PTCHD4: variants seen among roughly 807,000 people sequenced by gnomAD.
PTCHD4 encodes the protein patched domain containing 4, also known as patched domain-containing protein 4.
PTCHD4 carries 33 observed loss-of-function variants against 58.1 expected under a neutral mutation model. The ratio of observed to expected loss-of-function variants is 0.57; its 90% CI spans 0.43 to 0.76. The LOEUF (loss-of-function observed/expected upper bound fraction) is 0.76. Ranked by LOEUF, PTCHD4 falls within the 30% of genes least tolerant of loss-of-function variation. PTCHD4 has a pLI of 0.00. For missense variants in PTCHD4, 1,058 were observed against 1,027.1 expected (o/e 1.03, Z -0.41); for synonymous variants, 478 against 409.6 (o/e 1.17, Z -2.02).
At chr6:47,972,396 A>C (rs928955215) in intron 4 of PTCHD4, among the ~76,000 whole-genome samples, 2 of 152,158 alleles carry the variant, frequency 1.3e-5, no homozygotes, top group Admixed American at 1.3e-4. Context: ...AAAAAAGTAT[A>C]CCAATTTCAA....
chr6:47,954,350 C>T (rs1248110432), intron 4 of PTCHD4, among the ~76,000 whole-genome samples: 1 of 152,142 alleles, frequency 6.6e-6, no homozygotes, highest in Non-Finnish European at 1.5e-5. Flanking sequence ...GAGTGAGACT[C>T]TGTCTCAAAC....
chr6:47,874,006 C>T lies in PTCHD4; in HGVS notation c.*4297G>A, dbSNP rs970579642. Reference sequence around the variant, plus strand: ...CAGAAAGATCCCTGTAGTAGGATGCCGAGCAAATCATTGACTTCTCCAATC... The same window carrying T: ...CAGAAAGATCCCTGTAGTAGGATGCTGAGCAAATCATTGACTTCTCCAATC... On this transcript the variant is annotated 3_prime_UTR_variant, in exon 5 of 5. Coordinates refer to ENST00000339488, the MANE Select transcript of PTCHD4 (RefSeq NM_001384253.1). Among the ~76,000 whole-genome samples the T allele has an allele frequency of 3.3e-5, 5 of 151,596 alleles. No individual in the cohort carries two copies. Among genetic ancestry groups the T allele is most frequent in the Admixed American group, 2.6e-4 (4 of 15,168 alleles).
chr6:48,026,849 A>G lies in PTCHD4; in HGVS notation c.418-17735T>C, dbSNP rs114629436. Among the ~76,000 whole-genome samples the G allele has an allele frequency of 6.5e-3, 983 of 152,280 alleles. 15 individuals carry two copies. Among genetic ancestry groups the G allele is most frequent in the African/African-American group, 0.022 (929 of 41,564 alleles). On this transcript the variant is annotated intron_variant, in intron 3 of 4. Coordinates refer to ENST00000339488, the MANE Select transcript of PTCHD4 (RefSeq NM_001384253.1). ...CATATTGGGGCAGACGAAAATATTAAAAATCTTCTTGATGATTATTCGTAA... is the reference window on the plus strand; with the variant it reads ...CATATTGGGGCAGACGAAAATATTAGAAATCTTCTTGATGATTATTCGTAA...
chr6:47,904,559 G>A (rs1034774683), intron 4 of PTCHD4, among the ~76,000 whole-genome samples: 1 of 152,186 alleles, frequency 6.6e-6, no homozygotes, highest in Non-Finnish European at 1.5e-5. Flanking sequence ...CTCCTGGAAA[G>A]AGGATTATAG....
chr6:47,933,737 A>G (rs917679051), intron 4 of PTCHD4, among the ~76,000 whole-genome samples: 4 of 152,138 alleles, frequency 2.6e-5, no homozygotes, highest in African/African-American at 9.6e-5. Flanking sequence ...ATTGAGGCCA[A>G]TCTTCATTTA....
intron 4 of PTCHD4, among the ~76,000 whole-genome samples, chr6:47,997,891 T>C (rs983272290): frequency 3.3e-5 from 5 of 152,218 alleles, no homozygotes; most frequent in Non-Finnish European, 7.3e-5. Context: ...CAATTTTCTT[T>C]TTTGTTAGAT....
chr6:48,024,279 A>T lies in PTCHD4; in HGVS notation c.418-15165T>A, dbSNP rs554698104. On this transcript the variant is annotated intron_variant, in intron 3 of 4. Transcript: ENST00000339488. ...GCAATATTCTATCAACCCTCAGCTT[A>T]CATTACAAATACAGAAAGTGTCCAG... 2.4e-4 allele frequency among the ~76,000 whole-genome samples: 36 copies of T among 152,262 alleles called. No homozygotes were observed. In the South Asian group the frequency reaches 7.1e-3, roughly 30 times the overall value.
chr6:47,904,050 C>A lies in PTCHD4; in HGVS notation c.899-24114G>T, dbSNP rs145600375. Among the ~76,000 whole-genome samples, 44 of 152,232 alleles carry A rather than the reference C, an allele frequency of 2.9e-4. No homozygotes were observed. In the East Asian group the frequency reaches 7.9e-3, roughly 27 times the overall value. ...AATGTTCAAGGAGTGGCCCAAAGCCCGGGTGGCTGGAGTGGACTGAAAGAA... is the reference window on the plus strand; with the variant it reads ...AATGTTCAAGGAGTGGCCCAAAGCCAGGGTGGCTGGAGTGGACTGAAAGAA... On this transcript the variant is annotated intron_variant, in intron 4 of 4. Coordinates refer to ENST00000339488, the MANE Select transcript of PTCHD4 (RefSeq NM_001384253.1).
At chr6:48,036,947 T>C (rs1419973191) in intron 3 of PTCHD4, among the ~76,000 whole-genome samples, 1 of 152,028 alleles carries the variant, frequency 6.6e-6, no homozygotes, top group Non-Finnish European at 1.5e-5. Flanking sequence ...GAACAGAAAA[T>C]GCATTCTATT....
chr6:47,940,168 G>T (rs114252911), intron 4 of PTCHD4, among the ~76,000 whole-genome samples: 2,596 of 152,028 alleles, frequency 0.017, 43 homozygotes, highest in South Asian at 0.046. Context: ...TTTTCATCTT[G>T]GATGTCATAC....
At chr6:48,055,339 A>G (rs999274725) in intron 3 of PTCHD4, among the ~76,000 whole-genome samples, 1 of 152,244 alleles carries the variant, frequency 6.6e-6, no homozygotes, top group Non-Finnish European at 1.5e-5. Context: ...ATGAATTCAC[A>G]GGATATTGAG....
At chr6:48,088,969 C>G (rs1399829459) in intron 1 of PTCHD4, among the ~76,000 whole-genome samples, 3 of 152,110 alleles carry the variant, frequency 2.0e-5, no homozygotes, top group African/African-American at 7.2e-5. Context: ...CGCTTGAACC[C>G]AGGAGGCGGA....
intron 1 of PTCHD4, among the ~76,000 whole-genome samples, chr6:48,108,640 T>A (rs1229711460): frequency 6.6e-6 from 1 of 151,668 alleles, no homozygotes; most frequent in Non-Finnish European, 1.5e-5. Flanking sequence ...TAAAAACTAT[T>A]CTTTTACTAT....
chr6:47,891,169 C>T (rs185166377), intron 4 of PTCHD4, among the ~76,000 whole-genome samples: 260 of 143,896 alleles, frequency 1.8e-3, no homozygotes, highest in Middle Eastern at 3.8e-3. Context: ...TTGCAGTGAG[C>T]TGAAACCATG....
chr6:48,073,148 A>C (rs1582113081), intron 1 of PTCHD4, among the ~76,000 whole-genome samples: 1 of 152,210 alleles, frequency 6.6e-6, no homozygotes, highest in Non-Finnish European at 1.5e-5. Flanking sequence ...TATAAAGCTG[A>C]AAGTGGTGCA....
chr6:48,105,042 A>G (rs545561740), intron 1 of PTCHD4, among the ~76,000 whole-genome samples: 5 of 152,312 alleles, frequency 3.3e-5, no homozygotes, highest in South Asian at 4.2e-4. Context: ...AGACAGATCA[A>G]TGAGACAGAA....
At chr6:48,076,763 C>T (rs1205769824) in intron 1 of PTCHD4, among the ~76,000 whole-genome samples, 2 of 152,104 alleles carry the variant, frequency 1.3e-5, no homozygotes, top group Non-Finnish European at 2.9e-5. Flanking sequence ...ACAGATATTC[C>T]AGGGATGCCT....
At chr6:48,095,743 A>C (rs1216324059) in intron 1 of PTCHD4, among the ~76,000 whole-genome samples, 1 of 151,848 alleles carries the variant, frequency 6.6e-6, no homozygotes, top group Admixed American at 6.6e-5. Flanking sequence ...AAAAAAAAAA[A>C]AAAACAAATA....
chr6:48,067,778 G>A (rs1764848405), intron 3 of PTCHD4, among the ~76,000 whole-genome samples: 2 of 151,920 alleles, frequency 1.3e-5, no homozygotes, highest in African/African-American at 4.8e-5. Flanking sequence ...CCTGAACAAA[G>A]ATGTAATTGC....
Sources: gnomAD v4.1 joint callset for allele counts (sites outside exome capture counted in the v4.1 genomes callset) on GRCh38, gnomAD v4.1.1 for gene constraint, MANE v1.5 for transcripts, NCBI Gene and HGNC (gene_info 2026-07-23, HGNC 2026-07-21) for gene names.